The following SPTLC1 variants were observed in gnomAD, a reference collection of about 807,000 sequenced individuals.
SPTLC1 encodes the protein serine palmitoyltransferase long chain base subunit 1.
In SPTLC1, 55 loss-of-function variants were observed where a neutral mutation model predicts 68.9. The observed-to-expected ratio is 0.80, with a 90% CI of 0.64 to 1.00. The LOEUF (loss-of-function observed/expected upper bound fraction) is 1.00. SPTLC1 is among the 50% of genes least tolerant of loss of function. The pLI, the probability that SPTLC1 is intolerant of heterozygous loss-of-function variation, is 0.00. For synonymous variants in SPTLC1, 197 were observed against 201.6 expected (o/e 0.98, Z 0.19); for missense variants, 449 against 573.1 (o/e 0.78, Z 2.21).
chr9:92,044,546 C>T (rs571976458), intron 12 of SPTLC1, among the ~76,000 whole-genome samples: 79 of 152,254 alleles, frequency 5.2e-4, no homozygotes, highest in African/African-American at 1.8e-3. Flanking sequence ...ATGATAGCTA[C>T]TGAGAGGAGC....
chr9:92,040,026 A>G (rs909191021), intron 12 of SPTLC1, among the ~76,000 whole-genome samples: 1 of 152,166 alleles, frequency 6.6e-6, no homozygotes, highest in African/African-American at 2.4e-5. Context: ...TTAAACGCAT[A>G]TATCAAGTAT....
chr9:92,040,370 C>CAAAACA (rs1452324801), intron 12 of SPTLC1, among the ~76,000 whole-genome samples: 3 of 150,756 alleles, frequency 2.0e-5, no homozygotes, highest in East Asian at 2.0e-4. Context: ...GACTCTGTCT[C>CAAAACA]AAAACAAAAA....
At chr9:92,093,566 A>C (rs1835439851) in intron 3 of SPTLC1, among the ~76,000 whole-genome samples, 1 of 152,260 alleles carries the variant, frequency 6.6e-6, no homozygotes, top group Non-Finnish European at 1.5e-5. Context: ...AAACCATTGG[A>C]ATTAATAGTA....
At chr9:92,087,315 C>T (rs1176230667) in intron 3 of SPTLC1, among the ~76,000 whole-genome samples, 1 of 152,182 alleles carries the variant, frequency 6.6e-6, no homozygotes, top group East Asian at 1.9e-4. Context: ...GGAGGAGAGG[C>T]TCTCTGCTTT....
At chr9:92,058,153 T>G (rs1381091031) in intron 7 of SPTLC1, among the ~76,000 whole-genome samples, 2 of 152,232 alleles carry the variant, frequency 1.3e-5, no homozygotes, top group East Asian at 3.8e-4. Flanking sequence ...CTAAATTGTG[T>G]AAATGTGAAA....
chr9:92,080,122 T>C (rs1834827189), intron 4 of SPTLC1, 34 bp from the exon 5 acceptor site: 6 of 1,556,424 alleles, frequency 3.9e-6, no homozygotes, highest in Non-Finnish European at 4.4e-6. Context: ...ACTTTAATAA[T>C]TTATCTTTAA....
chr9:92,092,605 CACACCTGTAGTT>C (rs924578899), intron 3 of SPTLC1, among the ~76,000 whole-genome samples: 1 of 151,980 alleles, frequency 6.6e-6, no homozygotes, highest in African/African-American at 2.4e-5. Context: ...CGTGGTGGCA[CACACCTGTAGTT>C]CCAGCTACTG....
At chr9:92,039,091 G>A (rs1439964256) in intron 12 of SPTLC1, among the ~76,000 whole-genome samples, 1 of 152,162 alleles carries the variant, frequency 6.6e-6, no homozygotes. Context: ...AGGTTGCAGT[G>A]AGCTGAGATT....
At chr9:92,081,596 T>C (rs1481432238) in intron 3 of SPTLC1, among the ~76,000 whole-genome samples, 1 of 152,222 alleles carries the variant, frequency 6.6e-6, no homozygotes, top group African/African-American at 2.4e-5. Flanking sequence ...TTAAGCCCTC[T>C]GCTGATCTAT....
At chr9:92,054,916 A>G (rs895917664) in intron 8 of SPTLC1, among the ~76,000 whole-genome samples, 11 of 150,006 alleles carry the variant, frequency 7.3e-5, no homozygotes, top group African/African-American at 2.5e-4. Context: ...CTTGCGGGGG[A>G]GAAAAAAAAA....
chr9:92,035,358 G>A (rs1833107897), intron 13 of SPTLC1, among the ~76,000 whole-genome samples: 1 of 152,168 alleles, frequency 6.6e-6, no homozygotes, highest in South Asian at 2.1e-4. Flanking sequence ...TAGCAAAAAC[G>A]ATGTCCACAT....
chr9:92,032,149 A>G lies in SPTLC1; in HGVS notation c.*316T>C. 1.1e-6 allele frequency: 1 copy of G among 893,972 alleles called. No individual in the cohort carries two copies. The highest frequency in any genetic ancestry group is 1.6e-6 in the Non-Finnish European group (1 of 609,430). 55.4% of individuals were successfully genotyped at this position (893,972 alleles called of 1,614,324 possible). A position where few individuals can be genotyped will look rare whatever the true frequency, so the allele number is the denominator to read the frequency against. On this transcript the variant is annotated 3_prime_UTR_variant, in exon 15 of 15. Coordinates refer to ENST00000262554, the MANE Select transcript of SPTLC1 (RefSeq NM_006415.4). ...CACTGAAGCTCCAGTTTTAAACGAC[A>G]ACAAAAGAATATAAAATACTAGTAT...
At chr9:92,090,626 A>C (rs945871095) in intron 3 of SPTLC1, among the ~76,000 whole-genome samples, 3 of 151,918 alleles carry the variant, frequency 2.0e-5, no homozygotes, top group Non-Finnish European at 1.5e-5. Flanking sequence ...AACAAACAAA[A>C]AAAAATTGGA....
chr9:92,041,374 C>T (rs1833345629), intron 12 of SPTLC1, among the ~76,000 whole-genome samples: 1 of 152,120 alleles, frequency 6.6e-6, no homozygotes, highest in African/African-American at 2.4e-5. Flanking sequence ...AGTAAGAACA[C>T]AGTGCAATGA....
At chr9:92,102,428 C>G (rs1350822522) in intron 3 of SPTLC1, among the ~76,000 whole-genome samples, 1 of 152,144 alleles carries the variant, frequency 6.6e-6, no homozygotes, top group Non-Finnish European at 1.5e-5. Flanking sequence ...CTTGAGAAAG[C>G]TGAACATCAA....
In SPTLC1 at chr9:92,041,141, T is replaced by C. The variant is rs368976100; in HGVS notation, c.1137-2776A>G. 3.3e-5 allele frequency among the ~76,000 whole-genome samples: 5 copies of C among 152,210 alleles called. No homozygotes were observed. The East Asian group carries it at 9.7e-4, about 29-fold the overall frequency. On this transcript the variant is annotated intron_variant, in intron 12 of 14. Coordinates refer to ENST00000262554, the MANE Select transcript of SPTLC1 (RefSeq NM_006415.4). Reference sequence around the variant, plus strand: ...AGGGAGAACCTGACACCAATAACTATCTCTATTACAATGAAAACAGAGGCA... The same window carrying C: ...AGGGAGAACCTGACACCAATAACTACCTCTATTACAATGAAAACAGAGGCA...
chr9:92,053,021 T>C (rs1833759901), intron 8 of SPTLC1, among the ~76,000 whole-genome samples: 1 of 149,332 alleles, frequency 6.7e-6, no homozygotes, highest in Non-Finnish European at 1.5e-5. Context: ...ATCCAGAATA[T>C]ACAAGGAATT....
intron 3 of SPTLC1, among the ~76,000 whole-genome samples, chr9:92,090,194 T>C (rs558325878): frequency 6.6e-6 from 1 of 152,270 alleles, no homozygotes; most frequent in African/African-American, 2.4e-5. Context: ...ATAATAATCC[T>C]GGAGGATACA....
chr9:92,072,826 A>G (rs1422142272), intron 5 of SPTLC1, among the ~76,000 whole-genome samples: 1 of 151,766 alleles, frequency 6.6e-6, no homozygotes, highest in Non-Finnish European at 1.5e-5. Flanking sequence ...TTTTACTATG[A>G]TCTCTCCCTA....
Sources: gnomAD v4.1 joint callset for allele counts (sites outside exome capture counted in the v4.1 genomes callset) on GRCh38, gnomAD v4.1.1 for gene constraint, MANE v1.5 for transcripts, NCBI Gene and HGNC (gene_info 2026-07-23, HGNC 2026-07-21) for gene names.